MANBA: variants seen among roughly 807,000 people sequenced by gnomAD.
MANBA encodes mannosidase beta.
Under a neutral mutation model 111.1 loss-of-function variants are expected in MANBA, and 83 were observed. The ratio of observed to expected loss-of-function variants is 0.75; its 90% CI spans 0.63 to 0.90. The LOEUF is 0.90. MANBA is among the 40% of genes least tolerant of loss of function. The probability of loss-of-function intolerance (pLI) is 0.00; values close to 1 mark genes in which losing one functional copy is unlikely to be tolerated. For synonymous variants in MANBA, 370 were observed against 378.7 expected, an observed-to-expected ratio of 0.98 and a Z score of 0.27; for missense variants, 1,036 against 1,069.0, an observed-to-expected ratio of 0.97 and a Z score of 0.43.
rs547148662 is a variant in MANBA, at chr4:102,695,946, G to T, written c.674-5175C>A. Among the ~76,000 whole-genome samples the T allele has an allele frequency of 4.6e-5, 7 of 152,198 alleles. No individual in the cohort carries two copies. In the South Asian group the frequency reaches 1.5e-3, roughly 32 times the overall value. The stretch of plus-strand genomic sequence containing the variant: ...TCTGTAAAAAAAGAATACTGAAATG[G>T]GCAGGGTGTAGTGGCTCGTGCCTAT... On this transcript the variant is annotated intron_variant, in intron 5 of 16. Transcript: ENST00000647097.
intron 5 of MANBA, among the ~76,000 whole-genome samples, chr4:102,705,277 G>C (rs1733245977): frequency 6.6e-6 from 1 of 152,162 alleles, no homozygotes; most frequent in Admixed American, 6.5e-5. Flanking sequence ...GACTAGTATA[G>C]GGAGCTACAA....
chr4:102,709,208 G>A (rs1275291544), intron 5 of MANBA, among the ~76,000 whole-genome samples: 1 of 148,218 alleles, frequency 6.7e-6, no homozygotes, highest in Non-Finnish European at 1.5e-5. Context: ...AAAAGGCAAG[G>A]CAAGGCAGAA....
At chr4:102,640,790 G>T (rs544050351) in intron 13 of MANBA, among the ~76,000 whole-genome samples, 1 of 152,308 alleles carries the variant, frequency 6.6e-6, no homozygotes, top group African/African-American at 2.4e-5. Flanking sequence ...GATAAAGGTA[G>T]AACCTTTAAA....
intron 7 of MANBA, among the ~76,000 whole-genome samples, chr4:102,686,374 C>T (rs1479105703): frequency 1.3e-5 from 2 of 152,286 alleles, no homozygotes; most frequent in Admixed American, 6.5e-5. Context: ...CTGGCTTCCA[C>T]CACTTCAATA....
At chr4:102,655,970 A>C (rs368489606) in intron 12 of MANBA, among the ~76,000 whole-genome samples, 1 of 152,220 alleles carries the variant, frequency 6.6e-6, no homozygotes, top group Non-Finnish European at 1.5e-5. Flanking sequence ...TAAAATGATC[A>C]GGCCATGCAT....
chr4:102,650,177 G>C (rs1730266508), intron 13 of MANBA, among the ~76,000 whole-genome samples: 1 of 152,138 alleles, frequency 6.6e-6, no homozygotes, highest in African/African-American at 2.4e-5. Context: ...CCATAAATCA[G>C]GTGTCCATAT....
rs764682779 is a variant in MANBA at position 102,714,447 on chromosome 4, G to C, written c.664C>G (p.Pro222Ala). ...ACATCTTTCAGCTTACCATATATTGGGGAAAATGTGAAGTAGTTCAGGTGA... is the reference window on the plus strand; with the variant it reads ...ACATCTTTCAGCTTACCATATATTGCGGAAAATGTGAAGTAGTTCAGGTGA... ...ICHLNYFTFS[P>A]IYDKSAQEWN... Residue 222 changes from proline (P) to alanine (A), a missense_variant, in exon 5 of 17, where the codon CCA becomes GCA. Coordinates refer to ENST00000647097, the MANE Select transcript of MANBA (RefSeq NM_005908.4). 1 of 1,604,686 alleles carries C rather than the reference G, an allele frequency of 6.2e-7. No individual in the cohort carries two copies. The highest frequency in any genetic ancestry group is 1.1e-5 in the South Asian group (1 of 90,830).
chr4:102,722,763 A>C, intron 4 of MANBA, 108 bp downstream of exon 4: 7 of 1,139,968 alleles, frequency 6.1e-6, no homozygotes, highest in Non-Finnish European at 9.3e-6. Context: ...GGATCAGGAA[A>C]GAGATTCCTA....
chr4:102,638,503 G>A (rs1729727439), intron 14 of MANBA, among the ~76,000 whole-genome samples: 1 of 152,058 alleles, frequency 6.6e-6, no homozygotes, highest in African/African-American at 2.4e-5. Context: ...TCTTCCTGAG[G>A]AACTCAGGAA....
In MANBA at chr4:102,734,280, G is replaced by T. The variant is rs964146909; in HGVS notation, c.178-7597C>A. The T allele has an allele frequency of 6.4e-6, 9 of 1,397,410 alleles. No homozygotes were observed. The East Asian group carries it at 2.2e-4, about 34-fold the overall frequency. 86.6% of individuals were successfully genotyped at this position (1,397,410 alleles called of 1,614,324 possible). On this transcript the variant is annotated intron_variant, in intron 1 of 16. Transcript: ENST00000647097. ...ACCTACAAAGTCTACTCTTCCGGGGGAGAAGGGCAGCAGCGTGAGAGTTGG... is the reference window on the plus strand; with the variant it reads ...ACCTACAAAGTCTACTCTTCCGGGGTAGAAGGGCAGCAGCGTGAGAGTTGG...
rs1252886539 is a variant in MANBA, at chr4:102,650,657, A to G, written c.1749T>C (p.Leu583=). ...TACCACCTTCGTGATGTTGTCGATG[A>G]AGTGAAAACTTGCTATTGAAAGACC... ...EDWSFNSKFS[L]HRQHHEGGNK... The change falls in exon 13 of 17, where the codon CTT becomes CTC. Residue 583 remains leucine (L), a synonymous_variant. Coordinates refer to ENST00000647097, the MANE Select transcript of MANBA (RefSeq NM_005908.4). 6.2e-7 allele frequency: 1 copy of G among 1,613,392 alleles called. No homozygotes were observed. The highest frequency in any genetic ancestry group is 2.2e-5 in the East Asian group (1 of 44,878).
At chr4:102,749,521 A>T (rs1723709497) in intron 1 of MANBA, among the ~76,000 whole-genome samples, 2 of 152,258 alleles carry the variant, frequency 1.3e-5, no homozygotes, top group African/African-American at 4.8e-5. Context: ...CTCTATTTTC[A>T]TCAGACACAT....
intron 1 of MANBA, chr4:102,753,850 A>T (rs1245602654): frequency 1.1e-5 from 4 of 376,882 alleles, no homozygotes; most frequent in South Asian, 5.6e-5. Context: ...TGACAGGCCG[A>T]GGTGGGCGGA....
At chr4:102,660,803 T>TA (rs1167395470) in intron 11 of MANBA, among the ~76,000 whole-genome samples, 5 of 149,536 alleles carry the variant, frequency 3.3e-5, no homozygotes, top group African/African-American at 1.2e-4. Context: ...TAATTATAAT[T>TA]AATATATTGA....
At chr4:102,740,465 T>C (rs1321997011) in intron 1 of MANBA, among the ~76,000 whole-genome samples, 1 of 151,868 alleles carries the variant, frequency 6.6e-6, no homozygotes, top group Non-Finnish European at 1.5e-5. Context: ...CATATAAAAC[T>C]CAAAAGGAGC....
chr4:102,727,604 G>A, intron 1 of MANBA: 2 of 1,594,184 alleles, frequency 1.3e-6, no homozygotes, highest in Non-Finnish European at 1.7e-6. Flanking sequence ...TTGGGCTCGG[G>A]AGACAGGCCA....
Position 102,648,051 on chromosome 4 carries a change from A to C in MANBA, c.1869+2486T>G, listed in dbSNP as rs186359518. On this transcript the variant is annotated intron_variant, in intron 13 of 16. Transcript: ENST00000647097. ...TCTAAGAACTTTAAACAAGTATGGC[A>C]AAACTAGCAGGTAAATAAACAGCGA... Among the ~76,000 whole-genome samples the C allele has an allele frequency of 5.9e-5, 9 of 152,278 alleles. No individual in the cohort carries two copies. The East Asian group carries it at 1.2e-3, about 20-fold the overall frequency.
chr4:102,759,137 C>T lies in MANBA; in HGVS notation c.177+1581G>A, dbSNP rs375705606. ...TTCCCATTGGCTTAATTCTTTCTTT[C>T]TTTTTTTTTTTTTTTAGAGATAGAA... is the stretch of plus-strand genomic sequence containing the variant. On this transcript the variant is annotated intron_variant, in intron 1 of 16. Coordinates refer to ENST00000647097, the MANE Select transcript of MANBA (RefSeq NM_005908.4). Among the ~76,000 whole-genome samples, 443 of 138,210 alleles carry T rather than the reference C, an allele frequency of 3.2e-3. 5 individuals carry two copies. Among genetic ancestry groups the T allele is most frequent in the Middle Eastern group, 0.019 (5 of 262 alleles). 90.7% of individuals were successfully genotyped at this position (138,210 alleles called of 152,430 possible).
chr4:102,690,822 A>G, intron 5 of MANBA, 51 bp from the exon 6 acceptor site: 1 of 694,472 alleles, frequency 1.4e-6, no homozygotes, highest in Non-Finnish European at 2.0e-6. Context: ...TAATATGCTA[A>G]GCATTATCAC....
Sources: allele counts gnomAD v4.1 joint callset (sites outside exome capture counted in the v4.1 genomes callset), GRCh38; gene constraint gnomAD v4.1.1; transcripts MANE v1.5; gene names NCBI Gene and HGNC (gene_info 2026-07-23, HGNC 2026-07-21).